Variants in TBX3 observed in about 807,000 individuals in gnomAD.
TBX3 encodes the protein T-box transcription factor TBX3.
In TBX3, 11 loss-of-function variants were observed where a neutral mutation model predicts 47.8. That is an observed-to-expected ratio of 0.23 (90% CI 0.14 to 0.38). The LOEUF (loss-of-function observed/expected upper bound fraction) is 0.38. Among genes scored for constraint, TBX3 ranks in the 10% least tolerant of loss-of-function variants. The pLI is 1.00. For synonymous variants in TBX3, 500 were observed against 449.3 expected, an observed-to-expected ratio of 1.11 and a Z score of -1.43; for missense variants, 927 against 1,022.8, an observed-to-expected ratio of 0.91 and a Z score of 1.28.
At chr12:114,673,352 C>T (rs746208246) in intron 6 of TBX3, among the ~76,000 whole-genome samples, 3 of 152,108 alleles carry the variant, frequency 2.0e-5, no homozygotes, top group Non-Finnish European at 4.4e-5. Context: ...ACCTTTTCAT[C>T]GAGTTCAGGG....
Position 114,683,471 on chromosome 12 carries a change from T to G in TBX3, c.-271A>C, listed in dbSNP as rs1163537831. On this transcript the variant is annotated 5_prime_UTR_variant, in exon 1 of 7. Coordinates refer to ENST00000349155, the MANE Select transcript of TBX3 (RefSeq NM_005996.4). This position sits in a 1 kb window ranked among gnomAD's most constrained non-coding sequence, Gnocchi z 7.7. ...ATAGTCGCGCGGGTGACCGTCCTTG[T>G]GCCTTGCGTTTTTAAAAAGCCGCTC... 3 of 466,158 alleles carry G rather than the reference T, an allele frequency of 6.4e-6. No individual in the cohort carries two copies. Among genetic ancestry groups the G allele is most frequent in the Non-Finnish European group, 1.1e-5 (3 of 265,076 alleles). 28.9% of individuals were successfully genotyped at this position (466,158 alleles called of 1,614,324 possible).
In TBX3 at chr12:114,679,806, C is replaced by A. The variant is rs77158149; in HGVS notation, c.658-155G>T. On this transcript the variant is annotated intron_variant, in intron 2 of 6. Transcript: ENST00000349155. ...TGGAGTACCCCCTGGGTACGTTTCG[C>A]TCCACAGATGTTATCTTCTGGAGAA... The A allele has an allele frequency of 3.2e-3, 4,981 of 1,537,376 alleles. 105 individuals are homozygous for A. The East Asian group carries it at 0.054, about 17-fold the overall frequency.
At chr12:114,680,100 C>T in intron 2 of TBX3, 1 of 930,792 alleles carries the variant, frequency 1.1e-6, no homozygotes, top group Non-Finnish European at 1.7e-6. Flanking sequence ...AATATTTATG[C>T]CTTAATCAAA....
intron 6 of TBX3, 100 bp downstream of exon 6, chr12:114,674,065 C>G (rs564354358): frequency 2.8e-6 from 4 of 1,446,738 alleles, no homozygotes; most frequent in Non-Finnish European, 3.8e-6. Context: ...ATTATTACAG[C>G]TACTAGGCCA....
At chr12:114,679,721 CCTGCCAGG>C (rs1157777981) in intron 2 of TBX3, 70 bp from the exon 3 acceptor site, 1 of 1,608,110 alleles carries the variant, frequency 6.2e-7, no homozygotes, top group Non-Finnish European at 8.5e-7. Context: ...TCTTAGGACC[CCTGCCAGG>C]CTGAAATCTT....
Position 114,672,170 on chromosome 12 carries a change from G to C in TBX3, c.1843C>G (p.Arg615Gly), listed in dbSNP as rs781193551. The C allele has an allele frequency of 1.4e-5, 22 of 1,571,194 alleles. No individual in the cohort carries two copies. Among genetic ancestry groups the C allele is most frequent in the African/African-American group, 8.1e-5 (6 of 74,048 alleles). The change falls in exon 7 of 7, where the codon CGC (arginine) becomes GGC (glycine). Residue 615 changes from arginine to glycine, a missense_variant. By Grantham distance (125) the Arg-to-Gly change is moderately radical. Transcript: ENST00000349155. ...RHPFLNLNTM[R>G]PRLRYSPYSI... ...TAGGGGCTGTAGCGCAGCCGCGGGC[G>C]CATGGTGTTCAGATTGAGGAAGGGG...
intron 2 of TBX3, 44 bp from the exon 3 acceptor site, chr12:114,679,695 A>C: frequency 1.2e-6 from 2 of 1,613,828 alleles, no homozygotes; most frequent in East Asian, 4.5e-5. Flanking sequence ...ACAAGGATTT[A>C]GCAGAACAAA....
Position 114,672,235 on chromosome 12 carries a change from G to A in TBX3, c.1778C>T (p.Ala593Val), listed in dbSNP as rs1225011740. Residue 593 changes from alanine (A) to valine (V), a missense_variant, in exon 7 of 7, where the codon GCC (alanine) becomes GTC (valine). Ala to Val is a moderately conservative substitution (Grantham distance 64). Coordinates refer to ENST00000349155, the MANE Select transcript of TBX3 (RefSeq NM_005996.4). ...YPYTYMAAAA[A>V]ASSAAASSSV... ...GCTGGAGGCTGCCGCAGAGGAGGCG[G>A]CCGCCGCTGCGGCCATGTACGTGTA... The A allele has an allele frequency of 6.4e-7, 1 of 1,573,948 alleles. No homozygotes were observed.
intron 6 of TBX3, among the ~76,000 whole-genome samples, chr12:114,672,639 A>C (rs1205008275): frequency 6.6e-6 from 1 of 152,050 alleles, no homozygotes; most frequent in African/African-American, 2.4e-5. Context: ...TAAATGAGTG[A>C]AAGCCTGCAA....
At chr12:114,673,428 T>G (rs1868539257) in intron 6 of TBX3, among the ~76,000 whole-genome samples, 1 of 152,216 alleles carries the variant, frequency 6.6e-6, no homozygotes, top group African/African-American at 2.4e-5. Flanking sequence ...CCTCCAGGCC[T>G]GCCCCAGTCC....
rs1057041305 is a variant in TBX3, at chr12:114,677,784, G to A, written c.805-128C>T. 92 of 837,228 alleles carry A rather than the reference G, an allele frequency of 1.1e-4. No individual in the cohort carries two copies. In the African/African-American group the frequency reaches 1.3e-3, roughly 12 times the overall value. 51.9% of individuals were successfully genotyped at this position (837,228 alleles called of 1,614,324 possible). On this transcript the variant is annotated intron_variant, in intron 3 of 6. Transcript: ENST00000349155. ...ACAGAAGTCATATAGATATGCCAGG[G>A]AAAGGAGATAATAAGGAAACTGTGG... is the stretch of plus-strand genomic sequence containing the variant.
At chr12:114,676,962 T>G (rs1868736486) in intron 4 of TBX3, among the ~76,000 whole-genome samples, 1 of 152,022 alleles carries the variant, frequency 6.6e-6, no homozygotes, top group South Asian at 2.1e-4. Flanking sequence ...ATCGTTTTAC[T>G]AACAAATTAA....
At position 114,676,446 on chromosome 12, in the gene TBX3, C is replaced by T; in HGVS notation, c.906G>A (p.Met302Ile). 1 of 1,614,252 alleles carries T rather than the reference C, an allele frequency of 6.2e-7. No homozygotes were observed. Among genetic ancestry groups the T allele is most frequent in the Admixed American group, 1.7e-5 (1 of 60,032 alleles). Reference protein sequence around the residue: ...EKRKQLTLQSMRVFDERHKKE... With the variant: ...EKRKQLTLQSIRVFDERHKKE... ...TTTTGTGTCTTTCATCAAACACCCT[C>T]ATGGACTGCAGGGTGAGCTGTTTTC... Residue 302 changes from methionine (M) to isoleucine (I), a missense_variant, in exon 5 of 7, where the codon ATG (methionine) becomes ATA (isoleucine). By Grantham distance (10) the Met-to-Ile change is conservative (BLOSUM62 1). Coordinates refer to ENST00000349155, the MANE Select transcript of TBX3 (RefSeq NM_005996.4).
chr12:114,675,066 T>C (rs1225150415), intron 5 of TBX3, among the ~76,000 whole-genome samples: 1 of 152,246 alleles, frequency 6.6e-6, no homozygotes, highest in East Asian at 1.9e-4. Context: ...TTAAAGTATT[T>C]ACCCAGAGTT....
At chr12:114,675,179 A>G (rs578110142) in intron 5 of TBX3, among the ~76,000 whole-genome samples, 38 of 152,330 alleles carry the variant, frequency 2.5e-4, no homozygotes, top group African/African-American at 7.5e-4. Flanking sequence ...TTTCACATGC[A>G]TCTCCCCATT....
chr12:114,683,098 C>G lies in TBX3; in HGVS notation c.103G>C (p.Gly35Arg). The G allele has an allele frequency of 1.9e-6, 3 of 1,612,078 alleles. No individual in the cohort carries two copies. Among genetic ancestry groups the G allele is most frequent in the Non-Finnish European group, 2.5e-6 (3 of 1,179,258 alleles). The change falls in exon 1 of 7, where the codon GGT becomes CGT. Residue 35 changes from glycine to arginine, a missense_variant. Coordinates refer to ENST00000349155, the MANE Select transcript of TBX3 (RefSeq NM_005996.4). The surrounding 1 kb of genome is among the most constrained non-coding windows in gnomAD (Gnocchi z 7.7). ...APDFAMSAVL[G>R]HQPPFFPALT... ...GCGGGGAAGAACGGCGGCTGGTGAC[C>G]CAGCACCGCGCTCATGGCGAAGTCC...
At position 114,671,970 on chromosome 12, in the gene TBX3, G is replaced by A. The variant is rs757382663; in HGVS notation, c.2043C>T (p.Ser681=). The part of the protein sequence containing the change: ...ELNSRSSTLS[S]SSMSLSPKLC... ...GTTTGGGCGACAAGGACATGGAGCTGGAGGAGAGCGTGGAGGAGCGGCTGT... is the reference window on the plus strand; with the variant it reads ...GTTTGGGCGACAAGGACATGGAGCTAGAGGAGAGCGTGGAGGAGCGGCTGT... The change falls in exon 7 of 7, where the codon TCC becomes TCT. Residue 681 remains serine, a synonymous_variant. Transcript: ENST00000349155. The A allele has an allele frequency of 6.2e-6, 10 of 1,601,286 alleles. No homozygotes were observed. In the South Asian group the frequency reaches 7.9e-5, roughly 13 times the overall value.
intron 2 of TBX3, 145 bp from the exon 3 acceptor site, chr12:114,679,796 G>A (rs1868851275): frequency 5.9e-6 from 9 of 1,528,108 alleles, no homozygotes; most frequent in Non-Finnish European, 8.1e-6. Context: ...TACCCCCTGG[G>A]TACGTTTCGC....
chr12:114,682,804 C>A lies in TBX3; in HGVS notation c.389+8G>T. 6.2e-7 allele frequency: 1 copy of A among 1,614,182 alleles called. No individual in the cohort carries two copies. Among genetic ancestry groups the A allele is most frequent in the South Asian group, 1.1e-5 (1 of 91,074 alleles). On this transcript the variant is annotated splice_region_variant and intron_variant, in intron 1 of 6. Transcript: ENST00000349155. ...AACAGCTTAGGGGAGGAGGCCCCCA[C>A]TGCTTACCTTCCCGACTTGGTAATG... is the stretch of plus-strand genomic sequence containing the variant.
Sources: allele counts gnomAD v4.1 joint callset (sites outside exome capture counted in the v4.1 genomes callset), GRCh38; gene constraint gnomAD v4.1.1; non-coding constraint Gnocchi (gnomAD v3.1); transcripts MANE v1.5; gene names NCBI Gene and HGNC (gene_info 2026-07-23, HGNC 2026-07-21).